The following IGSF21 variants were observed in gnomAD, a reference collection of about 807,000 sequenced individuals.
IGSF21 encodes the protein immunoglobulin superfamily member 21.
A neutral mutation model predicts 46.8 loss-of-function variants in IGSF21; 28 were observed. The observed-to-expected ratio is 0.60, with a 90% CI of 0.44 to 0.82. The LOEUF is 0.82. Ranked by LOEUF, IGSF21 falls within the 40% of genes least tolerant of loss-of-function variation. IGSF21 has a pLI of 0.00. For synonymous variants in IGSF21, 284 were observed against 273.6 expected (o/e 1.04, Z -0.38); for missense variants, 624 against 665.5 (o/e 0.94, Z 0.69).
intron 1 of IGSF21, among the ~76,000 whole-genome samples, chr1:18,126,809 C>G (rs115999200): frequency 0.019 from 2,895 of 152,264 alleles, 37 homozygotes; most frequent in Middle Eastern, 0.034. Context: ...TTCCTCCCCC[C>G]ACACCCCCTC....
At chr1:18,141,727 C>T (rs1441760287) in intron 1 of IGSF21, among the ~76,000 whole-genome samples, 1 of 152,164 alleles carries the variant, frequency 6.6e-6, no homozygotes, top group Non-Finnish European at 1.5e-5. Flanking sequence ...ACAACATCTC[C>T]AGCTGTTTCA....
rs75012094 is a variant in IGSF21, at chr1:18,121,699, T to C, written c.70+13501T>C. Reference sequence around the variant, plus strand: ...CCCCGATGCAGGTCCATCTCAGCCATTCCTACGTGCTCAGTGGTGTGTGAC... The same window carrying C: ...CCCCGATGCAGGTCCATCTCAGCCACTCCTACGTGCTCAGTGGTGTGTGAC... On this transcript the variant is annotated intron_variant, in intron 1 of 9. Coordinates refer to ENST00000251296, the MANE Select transcript of IGSF21 (RefSeq NM_032880.5). Among the ~76,000 whole-genome samples the C allele has an allele frequency of 3.3e-3, 510 of 152,266 alleles. 10 individuals are homozygous for C. The highest frequency in any genetic ancestry group is 0.011 in the East Asian group (59 of 5,178).
intron 1 of IGSF21, among the ~76,000 whole-genome samples, chr1:18,166,354 A>G (rs2086678553): frequency 6.6e-6 from 1 of 152,132 alleles, no homozygotes; most frequent in Non-Finnish European, 1.5e-5. Flanking sequence ...GTCTTCAGAG[A>G]CAGCTTGATC....
intron 1 of IGSF21, among the ~76,000 whole-genome samples, chr1:18,160,821 G>A (rs1236148091): frequency 1.3e-5 from 2 of 152,180 alleles, no homozygotes; most frequent in Admixed American, 1.3e-4. Flanking sequence ...TTGCTGACAA[G>A]CCTTCCTAAA....
intron 1 of IGSF21, among the ~76,000 whole-genome samples, chr1:18,199,202 C>T (rs958779768): frequency 6.6e-6 from 1 of 152,040 alleles, no homozygotes; most frequent in African/African-American, 2.4e-5. Context: ...GGGTTGGGGC[C>T]CCTGCACCCA....
intron 1 of IGSF21, among the ~76,000 whole-genome samples, chr1:18,219,597 C>T (rs1386404718): frequency 6.6e-6 from 1 of 152,104 alleles, no homozygotes; most frequent in Non-Finnish European, 1.5e-5. Context: ...GCTTACAGGC[C>T]TTGCTGGCTG....
At chr1:18,257,522 C>T (rs1019234271) in intron 2 of IGSF21, among the ~76,000 whole-genome samples, 19 of 152,166 alleles carry the variant, frequency 1.2e-4, no homozygotes, top group Admixed American at 3.9e-4. Flanking sequence ...TCAGAGAGAC[C>T]GTATGTCAAG....
At chr1:18,166,407 C>T (rs1467371662) in intron 1 of IGSF21, among the ~76,000 whole-genome samples, 1 of 152,096 alleles carries the variant, frequency 6.6e-6, no homozygotes, top group East Asian at 1.9e-4. Flanking sequence ...CTTTGACCTC[C>T]CTGGCCTGAA....
chr1:18,300,688 G>A (rs1034963376), intron 3 of IGSF21, among the ~76,000 whole-genome samples: 2 of 152,232 alleles, frequency 1.3e-5, no homozygotes, highest in African/African-American at 4.8e-5. Flanking sequence ...CCAAAGGGAA[G>A]GCCAGGAGCA....
chr1:18,216,779 T>C (rs2084453212), intron 1 of IGSF21, among the ~76,000 whole-genome samples: 2 of 152,180 alleles, frequency 1.3e-5, no homozygotes, highest in Non-Finnish European at 1.5e-5. Flanking sequence ...GAGTGCCCAT[T>C]AGTCCAGCAT....
chr1:18,265,518 C>T (rs1029735329), intron 2 of IGSF21, among the ~76,000 whole-genome samples: 3 of 152,206 alleles, frequency 2.0e-5, no homozygotes, highest in Non-Finnish European at 4.4e-5. Context: ...ATAAATCCAG[C>T]TCAAACCCAC....
At chr1:18,159,607 T>C (rs1466985971) in intron 1 of IGSF21, among the ~76,000 whole-genome samples, 1 of 152,160 alleles carries the variant, frequency 6.6e-6, no homozygotes, top group African/African-American at 2.4e-5. Context: ...GCCATGATTG[T>C]GAGGCCTCCC....
chr1:18,177,458 C>A (rs2086813552), intron 1 of IGSF21, among the ~76,000 whole-genome samples: 2 of 41,592 alleles, frequency 4.8e-5, no homozygotes, highest in Non-Finnish European at 1.1e-4. Context: ...GGTACATATG[C>A]ATAAACCTAT....
At chr1:18,269,553 AC>A (rs1188882272) in intron 2 of IGSF21, among the ~76,000 whole-genome samples, 1 of 152,086 alleles carries the variant, frequency 6.6e-6, no homozygotes, top group Non-Finnish European at 1.5e-5. Context: ...CAGAGTCTGC[AC>A]CTCCTGCTGC....
intron 1 of IGSF21, among the ~76,000 whole-genome samples, chr1:18,147,411 G>A (rs572539699): frequency 7.2e-5 from 11 of 151,992 alleles, no homozygotes; most frequent in Admixed American, 2.6e-4. Context: ...AGCTTCCTCC[G>A]CTTGGATCAC....
chr1:18,237,611 C>A (rs1050090888), intron 2 of IGSF21, among the ~76,000 whole-genome samples: 3 of 152,206 alleles, frequency 2.0e-5, no homozygotes, highest in African/African-American at 4.8e-5. Context: ...AGCCTTCTGA[C>A]CCCTCTCACC....
chr1:18,177,396 T>TGGTC (rs1557573385), intron 1 of IGSF21, among the ~76,000 whole-genome samples: 1,775 of 32,850 alleles, frequency 0.054, 24 homozygotes, highest in African/African-American at 0.11. Flanking sequence ...CAGTGAGGTG[T>TGGTC]GTGTGTGTGT....
At chr1:18,339,091 G>A (rs572438808) in intron 4 of IGSF21, among the ~76,000 whole-genome samples, 13 of 152,312 alleles carry the variant, frequency 8.5e-5, no homozygotes, top group South Asian at 6.2e-4. Flanking sequence ...GCCACCCTCC[G>A]CGTGCCAGCA....
At chr1:18,346,561 T>C (rs994755341) in intron 4 of IGSF21, among the ~76,000 whole-genome samples, 3 of 151,746 alleles carry the variant, frequency 2.0e-5, no homozygotes, top group Admixed American at 2.0e-4. Flanking sequence ...TGGGGACCAA[T>C]TGGAAAGATG....
Sources: gnomAD v4.1 joint callset for allele counts (sites outside exome capture counted in the v4.1 genomes callset) on GRCh38, gnomAD v4.1.1 for gene constraint, MANE v1.5 for transcripts, NCBI Gene and HGNC (gene_info 2026-07-23, HGNC 2026-07-21) for gene names.